Variants in PARP9 observed in about 807,000 individuals in gnomAD.
PARP9 encodes the protein poly(ADP-ribose) polymerase family member 9.
A neutral mutation model predicts 68.8 loss-of-function variants in PARP9; 48 were observed. The ratio of observed to expected loss-of-function variants is 0.70; its 90% CI spans 0.55 to 0.89. PARP9 has a LOEUF of 0.89. Among genes scored for constraint, PARP9 ranks in the 40% least tolerant of loss-of-function variants. PARP9 has a pLI of 0.00. For synonymous variants in PARP9, 309 were observed against 333.8 expected, an observed-to-expected ratio of 0.93 and a Z score of 0.81; for missense variants, 806 against 969.3, an observed-to-expected ratio of 0.83 and a Z score of 2.24.
At chr3:122,560,285 G>A (rs28583825) in intron 1 of PARP9, among the ~76,000 whole-genome samples, 3,024 of 152,302 alleles carry the variant, frequency 0.02, 105 homozygotes, top group African/African-American at 0.069. Flanking sequence ...AGGAATTAAA[G>A]ATTATGAATT....
intron 3 of PARP9, among the ~76,000 whole-genome samples, chr3:122,557,272 G>A (rs987723667): frequency 1.1e-4 from 17 of 152,162 alleles, no homozygotes; most frequent in Non-Finnish European, 2.4e-4. Flanking sequence ...GTCATTGATT[G>A]AGGCAGTTCC....
chr3:122,543,767 A>G (rs554456335), intron 7 of PARP9, among the ~76,000 whole-genome samples: 1 of 151,948 alleles, frequency 6.6e-6, no homozygotes, highest in South Asian at 2.1e-4. Flanking sequence ...ATGCACCACC[A>G]CACCTGGCTA....
intron 8 of PARP9, among the ~76,000 whole-genome samples, chr3:122,538,208 T>G (rs970237471): frequency 6.6e-6 from 1 of 152,144 alleles, no homozygotes; most frequent in African/African-American, 2.4e-5. Context: ...CTCATATTTA[T>G]AAGGTGTAAT....
chr3:122,534,080 G>A (rs1238173413), intron 10 of PARP9: 2 of 984,374 alleles, frequency 2.0e-6, no homozygotes, highest in Non-Finnish European at 2.4e-6. Flanking sequence ...TGGCTGTTAA[G>A]CTAAGGGATA....
intron 10 of PARP9, chr3:122,535,351 T>C (rs1348228102): frequency 1.2e-5 from 12 of 985,270 alleles, no homozygotes; most frequent in Non-Finnish European, 1.4e-5. Context: ...AGATGATTTC[T>C]AGAGCCTTTG....
rs1006520522 is a variant in PARP9, at chr3:122,559,608, T to C, written c.13A>G (p.Met5Val). The change falls in exon 2 of 11, where the codon ATG becomes GTG. Residue 5 changes from methionine (M) to valine (V), a missense_variant and splice_region_variant. By Grantham distance (21) the Met-to-Val change is conservative. Around this residue, in one of 2 missense-constraint regions of PARP9, gnomAD observed 126 missense variants for 110.5 expected, o/e 1.14. Transcript: ENST00000682323. ...GTATACACATTTATGCTTTTTACCA[T>C]GGAAAAGTCCATCCTCCAGGTCCCC... MDFS[M>V]VAGAAAYNEK... 4.4e-6 allele frequency: 7 copies of C among 1,591,204 alleles called. No homozygotes were observed. Among genetic ancestry groups the C allele is most frequent in the East Asian group, 4.5e-5 (2 of 44,326 alleles).
At chr3:122,563,697 T>C (rs1004646101) in intron 1 of PARP9, among the ~76,000 whole-genome samples, 2 of 151,922 alleles carry the variant, frequency 1.3e-5, no homozygotes, top group African/African-American at 4.8e-5. Context: ...CTCAGGTGCT[T>C]TTCCCCCCAA....
chr3:122,537,137 G>A, intron 8 of PARP9, 64 bp from the exon 9 acceptor site: 1 of 1,482,328 alleles, frequency 6.7e-7, no homozygotes, highest in South Asian at 1.3e-5. Context: ...GAAATTTAAT[G>A]AAACAAATTC....
intron 6 of PARP9, among the ~76,000 whole-genome samples, chr3:122,546,827 A>G (rs1434426701): frequency 1.3e-5 from 2 of 151,812 alleles, no homozygotes; most frequent in Non-Finnish European, 2.9e-5. Context: ...CCATGTAACT[A>G]GCTGTGTGCA....
chr3:122,539,568 T>TTTCTTTC (rs1491303009), intron 8 of PARP9, among the ~76,000 whole-genome samples: 1 of 123,272 alleles, frequency 8.1e-6, no homozygotes, highest in Admixed American at 8.2e-5. Flanking sequence ...TCTTTCTTTC[T>TTTCTTTC]TTTTTTTTTG....
intron 5 of PARP9, among the ~76,000 whole-genome samples, chr3:122,551,040 C>T (rs2079159094): frequency 6.6e-6 from 1 of 152,142 alleles, no homozygotes; most frequent in African/African-American, 2.4e-5. Flanking sequence ...GACATGAGGG[C>T]ACTAGAATTT....
chr3:122,564,355 C>G, upstream of PARP9: 1 of 1,497,036 alleles, frequency 6.7e-7, no homozygotes, highest in East Asian at 2.4e-5. Context: ...TGCGCCCAGT[C>G]CGCAGGGCGG....
chr3:122,551,599 G>A (rs77732258), intron 5 of PARP9, among the ~76,000 whole-genome samples: 6 of 152,020 alleles, frequency 3.9e-5, no homozygotes, highest in African/African-American at 4.8e-5. Context: ...TCCTGAGTTC[G>A]TTAATGCTTG....
chr3:122,560,159 G>C (rs2080068432), intron 1 of PARP9, among the ~76,000 whole-genome samples: 1 of 152,168 alleles, frequency 6.6e-6, no homozygotes, highest in African/African-American at 2.4e-5. Context: ...AGCCTGTGAG[G>C]GGGGTGTATT....
chr3:122,563,818 C>A (rs1199434263), intron 1 of PARP9, among the ~76,000 whole-genome samples: 1 of 152,136 alleles, frequency 6.6e-6, no homozygotes, highest in South Asian at 2.1e-4. Context: ...TCCGCCTCCC[C>A]TCACCAGCCC....
At chr3:122,548,229 GA>G (rs1275616394) in intron 6 of PARP9, among the ~76,000 whole-genome samples, 2 of 152,232 alleles carry the variant, frequency 1.3e-5, no homozygotes, top group African/African-American at 4.8e-5. Context: ...CTTGCTCCAA[GA>G]AAGAGCAAGC....
chr3:122,559,710 C>G lies in PARP9; in HGVS notation c.-89-1G>C. On this transcript the variant is annotated splice_acceptor_variant, in intron 1 of 10. Transcript: ENST00000682323. LOFTEE classifies it low-confidence loss of function (5UTR_SPLICE). ...AGTTTCCAGATATGGTGGCCCACTT[C>G]TAGGAATGAATTAGAAAAGATGCAA... 1 of 1,290,014 alleles carries G rather than the reference C, an allele frequency of 7.8e-7. No homozygotes were observed. The highest frequency in any genetic ancestry group is 1.1e-6 in the Non-Finnish European group (1 of 943,770). The allele number at this position is 1,290,014 out of a possible 1,614,324, so 79.9% of individuals were successfully genotyped here. A position where few individuals can be genotyped will look rare whatever the true frequency, so the allele number is the denominator to read the frequency against.
In PARP9 at chr3:122,537,534, C is replaced by G. The variant is rs115121414; in HGVS notation, c.1766-461G>C. Among the ~76,000 whole-genome samples, 513 of 152,222 alleles carry G rather than the reference C, an allele frequency of 3.4e-3. 7 individuals carry two copies. Among genetic ancestry groups the G allele is most frequent in the African/African-American group, 0.012 (492 of 41,514 alleles). Reference sequence around the variant, plus strand: ...TTATTTGATCATTATAGCACCACCACGTAATAATTAACACAATTTTACAAA... The same window carrying G: ...TTATTTGATCATTATAGCACCACCAGGTAATAATTAACACAATTTTACAAA... On this transcript the variant is annotated intron_variant, in intron 8 of 10. Coordinates refer to ENST00000682323, the MANE Select transcript of PARP9 (RefSeq NM_001146105.2).
At chr3:122,549,295 C>T (rs1469468094) in intron 6 of PARP9, among the ~76,000 whole-genome samples, 7 of 152,140 alleles carry the variant, frequency 4.6e-5, no homozygotes, top group Admixed American at 4.6e-4. Flanking sequence ...GGATTACAGG[C>T]GTGAGCCACC....
Sources: gnomAD v4.1 joint callset for allele counts (sites outside exome capture counted in the v4.1 genomes callset) on GRCh38, gnomAD v4.1.1 for gene constraint, gnomAD v4.1.1 regional missense constraint, MANE v1.5 for transcripts, NCBI Gene and HGNC (gene_info 2026-07-23, HGNC 2026-07-21) for gene names.